The following MAML2 variants were observed in gnomAD, a reference collection of about 807,000 sequenced individuals.
The protein encoded by MAML2 is mastermind-like protein 2.
In MAML2, 22 loss-of-function variants were observed where a neutral mutation model predicts 96.1. The observed-to-expected ratio is 0.23, with a 90% CI of 0.16 to 0.33. The LOEUF (loss-of-function observed/expected upper bound fraction) is 0.33, where lower values mean the gene tolerates loss of function less well. Among genes scored for constraint, MAML2 ranks in the 10% least tolerant of loss-of-function variants. MAML2 has a pLI of 1.00. For synonymous variants in MAML2, 561 were observed against 521.3 expected, an observed-to-expected ratio of 1.08 and a Z score of -1.04; for missense variants, 1,367 against 1,392.4, an observed-to-expected ratio of 0.98 and a Z score of 0.29.
At chr11:96,268,257 T>C (rs890624074) in intron 1 of MAML2, among the ~76,000 whole-genome samples, 3 of 152,186 alleles carry the variant, frequency 2.0e-5, no homozygotes, top group Non-Finnish European at 4.4e-5. Context: ...GGAGAGTCAC[T>C]TGAGTCCAGG....
At chr11:96,017,608 C>T (rs192449207) in intron 2 of MAML2, among the ~76,000 whole-genome samples, 70 of 152,112 alleles carry the variant, frequency 4.6e-4, no homozygotes, top group Non-Finnish European at 5.6e-4. Flanking sequence ...GGGCTGGAGG[C>T]GGGGTGTGTT....
chr11:96,329,215 A>C (rs1863823107), intron 1 of MAML2, among the ~76,000 whole-genome samples: 2 of 152,306 alleles, frequency 1.3e-5, no homozygotes, highest in Admixed American at 1.3e-4. Flanking sequence ...TCTAAAAATA[A>C]ATTTAATGAA....
intron 1 of MAML2, among the ~76,000 whole-genome samples, chr11:96,127,088 G>T (rs1860452572): frequency 6.6e-6 from 1 of 151,456 alleles, no homozygotes; most frequent in East Asian, 1.9e-4. Context: ...CATTCGTAAA[G>T]TTCAGCTTGA....
chr11:96,006,951 A>T (rs529118234), intron 2 of MAML2, among the ~76,000 whole-genome samples: 1 of 151,636 alleles, frequency 6.6e-6, no homozygotes, highest in Non-Finnish European at 1.5e-5. Context: ...TTTGTTTGGA[A>T]TTACAAAGAC....
intron 1 of MAML2, among the ~76,000 whole-genome samples, chr11:96,253,173 G>T (rs1862610883): frequency 6.6e-6 from 1 of 152,114 alleles, no homozygotes; most frequent in Non-Finnish European, 1.5e-5. Context: ...GTAAATAGGA[G>T]CCAAAAAAAC....
chr11:96,299,416 G>A (rs1020121408), intron 1 of MAML2, among the ~76,000 whole-genome samples: 1 of 151,800 alleles, frequency 6.6e-6, no homozygotes, highest in Non-Finnish European at 1.5e-5. Context: ...GGATGAAGTC[G>A]CAGAGGCTGC....
rs890291043 is a variant in MAML2 at position 96,342,926 on chromosome 11, A to C, written c.-1031T>G. 1 of 378,820 alleles carries C rather than the reference A, an allele frequency of 2.6e-6. No homozygotes were observed. The highest frequency in any genetic ancestry group is 4.7e-6 in the Non-Finnish European group (1 of 213,962). The allele number at this position is 378,820 out of a possible 1,614,324, so 23.5% of individuals were successfully genotyped here. ...AACTTACAAACTTCCAGCAAATTGC[A>C]CCGAGTCATGTCCAGCCACTTTTCT... On this transcript the variant is annotated 5_prime_UTR_variant, in exon 1 of 5. Coordinates refer to ENST00000524717, the MANE Select transcript of MAML2 (RefSeq NM_032427.4).
rs114359254 is a variant in MAML2 at position 96,066,820 on chromosome 11, A to T, written c.2139+25072T>A. ...AAATAGAACAGAATGTCCAAAGGTG[A>T]TAAAGGCTATGGAGACAAATAAACC... On this transcript the variant is annotated intron_variant, in intron 2 of 4. Coordinates refer to ENST00000524717, the MANE Select transcript of MAML2 (RefSeq NM_032427.4). Among the ~76,000 whole-genome samples the T allele has an allele frequency of 9.3e-3, 1,421 of 152,334 alleles. 25 individuals are homozygous for T. The highest frequency in any genetic ancestry group is 0.032 in the African/African-American group (1,339 of 41,562).
chr11:96,258,759 C>G (rs1978763), intron 1 of MAML2, among the ~76,000 whole-genome samples: 25 of 152,032 alleles, frequency 1.6e-4, no homozygotes, highest in Non-Finnish European at 3.1e-4. Context: ...AGGGCATAAA[C>G]GAAATTATAA....
At chr11:96,084,591 C>T (rs1197652885) in intron 2 of MAML2, among the ~76,000 whole-genome samples, 1 of 152,288 alleles carries the variant, frequency 6.6e-6, no homozygotes, top group Admixed American at 6.5e-5. Flanking sequence ...CACCCTTCCA[C>T]CTTTCAAGGC....
intron 1 of MAML2, 64 bp from the exon 2 acceptor site, chr11:96,093,581 A>T: frequency 8.6e-7 from 1 of 1,157,200 alleles, no homozygotes; most frequent in Non-Finnish European, 1.2e-6. Flanking sequence ...GCTTCTCATA[A>T]AAAGTGATGT....
At chr11:96,029,949 T>C (rs1858584942) in intron 2 of MAML2, among the ~76,000 whole-genome samples, 1 of 152,194 alleles carries the variant, frequency 6.6e-6, no homozygotes, top group African/African-American at 2.4e-5. Context: ...AAAATTCATA[T>C]GGAGCCAGGC....
chr11:96,099,808 T>C (rs1859894293), intron 1 of MAML2, among the ~76,000 whole-genome samples: 1 of 152,228 alleles, frequency 6.6e-6, no homozygotes, highest in South Asian at 2.1e-4. Flanking sequence ...AAGACATTTT[T>C]ATACATTTTT....
At chr11:96,279,966 A>C (rs1863042259) in intron 1 of MAML2, among the ~76,000 whole-genome samples, 1 of 152,222 alleles carries the variant, frequency 6.6e-6, no homozygotes, top group Non-Finnish European at 1.5e-5. Flanking sequence ...TTATCAAAAA[A>C]ATATTTTATT....
chr11:96,032,640 T>A (rs75611237), intron 2 of MAML2, among the ~76,000 whole-genome samples: 1,907 of 138,572 alleles, frequency 0.014, 46 homozygotes, highest in East Asian at 0.065. Context: ...TTGGAAACAA[T>A]CAAATGTCTC....
chr11:96,202,747 G>A (rs1048501540), intron 1 of MAML2, among the ~76,000 whole-genome samples: 2 of 151,778 alleles, frequency 1.3e-5, no homozygotes, highest in African/African-American at 2.4e-5. Flanking sequence ...CCTGTCCTTA[G>A]CCTCCCGAGT....
intron 1 of MAML2, among the ~76,000 whole-genome samples, chr11:96,178,095 C>CTTTTT (rs35797274): frequency 7.0e-6 from 1 of 143,150 alleles, no homozygotes. Context: ...TCTTTTTTTT[C>CTTTTT]TTTTTTTTTT....
At chr11:96,339,768 C>G (rs1235855772) in intron 1 of MAML2, among the ~76,000 whole-genome samples, 1 of 152,204 alleles carries the variant, frequency 6.6e-6, no homozygotes, top group Non-Finnish European at 1.5e-5. Context: ...ACATACAAAC[C>G]TCATTCTTCT....
chr11:96,095,744 G>C (rs1039188398), intron 1 of MAML2, among the ~76,000 whole-genome samples: 2 of 152,196 alleles, frequency 1.3e-5, no homozygotes, highest in Non-Finnish European at 2.9e-5. Flanking sequence ...TATTGCTTAA[G>C]CTAATACAAA....
Sources: allele counts gnomAD v4.1 joint callset (sites outside exome capture counted in the v4.1 genomes callset), GRCh38; gene constraint gnomAD v4.1.1; transcripts MANE v1.5; gene names NCBI Gene and HGNC (gene_info 2026-07-23, HGNC 2026-07-21).